The following LRFN5 variants were observed in gnomAD, a reference collection of about 807,000 sequenced individuals.
The protein encoded by LRFN5 is leucine-rich repeat and fibronectin type-III domain-containing protein 5.
A neutral mutation model predicts 45.6 loss-of-function variants in LRFN5; 24 were observed. That is an observed-to-expected ratio of 0.53 (90% CI 0.38 to 0.74). The LOEUF is 0.74. Among genes scored for constraint, LRFN5 ranks in the 30% least tolerant of loss-of-function variants. The pLI is 0.00. For missense variants in LRFN5, 776 were observed against 861.5 expected, an observed-to-expected ratio of 0.90 and a Z score of 1.24; for synonymous variants, 340 against 313.8, an observed-to-expected ratio of 1.08 and a Z score of -0.88.
At chr14:41,625,908 G>A (rs1485221675) in intron 1 of LRFN5, among the ~76,000 whole-genome samples, 4 of 152,196 alleles carry the variant, frequency 2.6e-5, no homozygotes, top group Non-Finnish European at 5.9e-5. Context: ...TGGTAATAAA[G>A]TAAGTTGCTG....
At chr14:41,886,354 A>C (rs983105432) in intron 2 of LRFN5, among the ~76,000 whole-genome samples, 1 of 152,190 alleles carries the variant, frequency 6.6e-6, no homozygotes, top group African/African-American at 2.4e-5. Context: ...CTTAATTTGC[A>C]GAGTTATAAT....
At chr14:41,880,087 C>T (rs576739341) in intron 2 of LRFN5, among the ~76,000 whole-genome samples, 25 of 151,528 alleles carry the variant, frequency 1.6e-4, no homozygotes, top group African/African-American at 2.4e-4. Flanking sequence ...ACCATCACGC[C>T]GGGATAATTT....
chr14:41,845,721 T>C (rs768929097), intron 2 of LRFN5, among the ~76,000 whole-genome samples: 17 of 152,110 alleles, frequency 1.1e-4, no homozygotes, highest in Non-Finnish European at 2.2e-4. Flanking sequence ...TTTCATTAGT[T>C]GTCAACAAAA....
chr14:41,864,625 T>G (rs1889779437), intron 2 of LRFN5, among the ~76,000 whole-genome samples: 1 of 152,196 alleles, frequency 6.6e-6, no homozygotes, highest in Non-Finnish European at 1.5e-5. Context: ...TAAGGTCACA[T>G]TCTGAGGTAC....
intron 1 of LRFN5, among the ~76,000 whole-genome samples, chr14:41,733,925 G>T (rs1210351706): frequency 6.6e-6 from 1 of 150,508 alleles, no homozygotes; most frequent in African/African-American, 2.4e-5. Context: ...TTATTGTATT[G>T]CAGATCTCTT....
intron 1 of LRFN5, among the ~76,000 whole-genome samples, chr14:41,614,924 C>T (rs1371300977): frequency 1.3e-5 from 2 of 151,972 alleles, no homozygotes; most frequent in East Asian, 3.9e-4. Context: ...TTCAAAAGCT[C>T]ACCAGACCAG....
chr14:41,708,854 C>A (rs889395591), intron 1 of LRFN5, among the ~76,000 whole-genome samples: 1 of 151,910 alleles, frequency 6.6e-6, no homozygotes, highest in Non-Finnish European at 1.5e-5. Context: ...GTACTTCCAA[C>A]TGTTTTTATC....
At chr14:41,866,776 A>C (rs1349137984) in intron 2 of LRFN5, among the ~76,000 whole-genome samples, 1 of 152,176 alleles carries the variant, frequency 6.6e-6, no homozygotes, top group African/African-American at 2.4e-5. Context: ...AACAAGTTGC[A>C]TTTAAGAGAC....
chr14:41,739,004 C>T (rs566750410), intron 1 of LRFN5, among the ~76,000 whole-genome samples: 109 of 152,274 alleles, frequency 7.2e-4, no homozygotes, highest in Non-Finnish European at 1.1e-3. Context: ...ACATGTTAGT[C>T]TACAAGTCAA....
Position 41,792,825 on chromosome 14 carries a change from A to G in LRFN5, c.-21+25796A>G, listed in dbSNP as rs987054670. Among the ~76,000 whole-genome samples, 10 of 152,104 alleles carry G rather than the reference A, an allele frequency of 6.6e-5. 1 individual carries two copies. Among genetic ancestry groups the G allele is most frequent in the Admixed American group, 6.6e-4 (10 of 15,248 alleles). On this transcript the variant is annotated intron_variant, in intron 2 of 5. Transcript: ENST00000298119. ...TCACAGTGGTCCTGAGGTGACCTAT[A>G]TCCTCAGCTTACAAAGATAACAGGA... is the stretch of plus-strand genomic sequence containing the variant.
At chr14:41,736,321 C>T (rs1884428859) in intron 1 of LRFN5, among the ~76,000 whole-genome samples, 1 of 152,202 alleles carries the variant, frequency 6.6e-6, no homozygotes, top group Non-Finnish European at 1.5e-5. Context: ...GATGGTATCT[C>T]ATTGTGGTTT....
rs1442626344 is a variant in LRFN5 at position 41,886,884 on chromosome 14, A to G, written c.259A>G (p.Ile87Val). Residue 87 changes from isoleucine to valine, a missense_variant, in exon 3 of 6, where the codon ATA becomes GTA. By Grantham distance (29) the Ile-to-Val change is conservative. Transcript: ENST00000298119. The part of the protein sequence containing the change: ...LVDLTLSRNT[I>V]SFITPHAFAD... ...GGACCTGACTCTATCCAGGAATACA[A>G]TAAGTTTTATTACACCTCATGCTTT... 6 of 1,614,210 alleles carry G rather than the reference A, an allele frequency of 3.7e-6. No homozygotes were observed. Among genetic ancestry groups the G allele is most frequent in the South Asian group, 2.2e-5 (2 of 91,086 alleles).
chr14:41,721,163 G>T (rs1452639572), intron 1 of LRFN5, among the ~76,000 whole-genome samples: 2 of 152,002 alleles, frequency 1.3e-5, no homozygotes, highest in Admixed American at 1.3e-4. Flanking sequence ...TTAAATCATT[G>T]TTTAAAGTTT....
intron 1 of LRFN5, among the ~76,000 whole-genome samples, chr14:41,672,727 G>A (rs922053348): frequency 7.0e-6 from 1 of 142,560 alleles, no homozygotes; most frequent in African/African-American, 2.5e-5. Context: ...CTTACCCTGG[G>A]ATTTGTGGAT....
At chr14:41,848,457 G>A (rs556597258) in intron 2 of LRFN5, among the ~76,000 whole-genome samples, 3 of 151,286 alleles carry the variant, frequency 2.0e-5, no homozygotes, top group Non-Finnish European at 2.9e-5. Context: ...GTTGTACAGC[G>A]GGAGTTATGG....
intron 1 of LRFN5, among the ~76,000 whole-genome samples, chr14:41,631,492 G>A (rs1888532032): frequency 6.6e-6 from 1 of 151,970 alleles, no homozygotes; most frequent in African/African-American, 2.4e-5. Context: ...TTTTTAGCTA[G>A]GGGAGGTAGA....
chr14:41,834,263 T>C (rs1057485566), intron 2 of LRFN5, among the ~76,000 whole-genome samples: 1 of 152,218 alleles, frequency 6.6e-6, no homozygotes, highest in African/African-American at 2.4e-5. Context: ...TAAATATCTT[T>C]TGCAAAGTGT....
intron 1 of LRFN5, among the ~76,000 whole-genome samples, chr14:41,680,381 T>C (rs1881832018): frequency 6.6e-6 from 1 of 152,138 alleles, no homozygotes; most frequent in African/African-American, 2.4e-5. Flanking sequence ...GGGGTGCTTG[T>C]GTCACTCCTC....
At chr14:41,810,059 A>C (rs193227980) in intron 2 of LRFN5, among the ~76,000 whole-genome samples, 21 of 152,210 alleles carry the variant, frequency 1.4e-4, no homozygotes, top group African/African-American at 4.8e-4. Context: ...TCTCTTTAAT[A>C]ATAAAAATTA....
Sources: gnomAD v4.1 joint callset for allele counts (sites outside exome capture counted in the v4.1 genomes callset) on GRCh38, gnomAD v4.1.1 for gene constraint, MANE v1.5 for transcripts, NCBI Gene and HGNC (gene_info 2026-07-23, HGNC 2026-07-21) for gene names.